The following TSNARE1 variants were observed in gnomAD, a reference collection of about 807,000 sequenced individuals.
TSNARE1 encodes t-SNARE domain-containing protein 1.
TSNARE1 carries 49 observed loss-of-function variants against 62.0 expected under a neutral mutation model. The ratio of observed to expected loss-of-function variants is 0.79; its 90% CI spans 0.63 to 1.00. The LOEUF (loss-of-function observed/expected upper bound fraction) is 1.00. Ranked by LOEUF, TSNARE1 falls within the 50% of genes least tolerant of loss-of-function variation. The pLI is 0.00. For missense variants in TSNARE1, 755 were observed against 700.1 expected (o/e 1.08, Z -0.88); for synonymous variants, 328 against 294.4 (o/e 1.11, Z -1.17).
chr8:142,276,364 C>T (rs1411084142), intron 11 of TSNARE1: 20 of 985,332 alleles, frequency 2.0e-5, no homozygotes, highest in Middle Eastern at 5.2e-4. Flanking sequence ...AGAGGTGTGA[C>T]GGATCCCCCC....
intron 12 of TSNARE1, among the ~76,000 whole-genome samples, chr8:142,243,514 G>A (rs555254581): frequency 1.2e-4 from 19 of 152,082 alleles, no homozygotes; most frequent in Admixed American, 9.8e-4. Context: ...GACAAATGCT[G>A]CGTTATCTCA....
intron 2 of TSNARE1, among the ~76,000 whole-genome samples, chr8:142,348,779 G>A (rs1360251198): frequency 6.6e-6 from 1 of 152,104 alleles, no homozygotes; most frequent in Non-Finnish European, 1.5e-5. Flanking sequence ...CCACAGAGCT[G>A]GCCCGTGTGC....
At chr8:142,293,300 G>A (rs930554083) in intron 10 of TSNARE1, among the ~76,000 whole-genome samples, 1 of 152,244 alleles carries the variant, frequency 6.6e-6, no homozygotes, top group African/African-American at 2.4e-5. Context: ...GAGGCAGAGG[G>A]CCGGGACGCT....
intron 1 of TSNARE1, among the ~76,000 whole-genome samples, chr8:142,390,829 C>T (rs1220930290): frequency 2.3e-4 from 11 of 48,300 alleles, no homozygotes; most frequent in African/African-American, 5.1e-4. Flanking sequence ...CGGGGGACTC[C>T]GTAACAGACG....
At chr8:142,398,867 A>G (rs1044836032) in intron 1 of TSNARE1, among the ~76,000 whole-genome samples, 9 of 152,306 alleles carry the variant, frequency 5.9e-5, no homozygotes, top group African/African-American at 1.9e-4. Flanking sequence ...CCCAAGGACA[A>G]AAAAGGAAGG....
chr8:142,270,461 A>T, intron 12 of TSNARE1: 3 of 977,520 alleles, frequency 3.1e-6, no homozygotes, highest in Non-Finnish European at 3.6e-6. Flanking sequence ...AGCCCCATAC[A>T]GTACCAAGTA....
chr8:142,301,830 A>G (rs2131340144), intron 9 of TSNARE1, among the ~76,000 whole-genome samples: 1 of 152,318 alleles, frequency 6.6e-6, no homozygotes, highest in Non-Finnish European at 1.5e-5. Flanking sequence ...GGGCCTCCAC[A>G]ACAGCCGAGG....
chr8:142,356,018 C>T (rs1000956911), intron 1 of TSNARE1, among the ~76,000 whole-genome samples: 2 of 152,226 alleles, frequency 1.3e-5, no homozygotes, highest in African/African-American at 4.8e-5. Flanking sequence ...GAAACTCAAA[C>T]GGAGGCTTCT....
At position 142,283,028 on chromosome 8, in the gene TSNARE1, TGCC is replaced by T. The variant is rs1563823662; in HGVS notation, c.1363+1382_1363+1384del. Among the ~76,000 whole-genome samples the T allele has an allele frequency of 1.4e-5, 2 of 147,846 alleles. 1 individual carries two copies. The highest frequency in any genetic ancestry group is 5.2e-5 in the African/African-American group (2 of 38,640). On this transcript the variant is annotated intron_variant, in intron 11 of 13. Coordinates refer to ENST00000524325, the MANE Select transcript of TSNARE1 (RefSeq NM_145003.5). ...AATGAGCAGAGGCGGGGTCAGTGTC[TGCC>T]AATGAGCAGAGGCGGGACCAGTGTC...
intron 1 of TSNARE1, among the ~76,000 whole-genome samples, chr8:142,368,494 A>G (rs1372427468): frequency 1.3e-5 from 2 of 152,214 alleles, no homozygotes; most frequent in Non-Finnish European, 2.9e-5. Flanking sequence ...CGTCAGGGCC[A>G]TGGAGTAGCC....
intron 11 of TSNARE1, 86 bp from the exon 12 acceptor site, chr8:142,274,949 G>A: frequency 7.1e-7 from 1 of 1,405,222 alleles, no homozygotes; most frequent in Non-Finnish European, 9.3e-7. Context: ...CAAGCCCAGG[G>A]AGCCTGAGCC....
At chr8:142,322,085 G>A (rs971406266) in intron 6 of TSNARE1, among the ~76,000 whole-genome samples, 12 of 152,190 alleles carry the variant, frequency 7.9e-5, no homozygotes, top group Non-Finnish European at 1.6e-4. Flanking sequence ...GTACAAGGTT[G>A]GTTCAACATT....
At chr8:142,346,931 C>A (rs747889596) in intron 2 of TSNARE1, among the ~76,000 whole-genome samples, 1 of 152,210 alleles carries the variant, frequency 6.6e-6, no homozygotes, top group Non-Finnish European at 1.5e-5. Context: ...AGCCTCTCAT[C>A]GGACCCCCAC....
chr8:142,239,374 G>A (rs1402330908), intron 12 of TSNARE1, among the ~76,000 whole-genome samples: 2 of 152,154 alleles, frequency 1.3e-5, no homozygotes, highest in Non-Finnish European at 2.9e-5. Flanking sequence ...AAAAATAACC[G>A]GTAACAATAG....
chr8:142,258,274 C>G (rs995272407), intron 12 of TSNARE1, among the ~76,000 whole-genome samples: 2 of 152,160 alleles, frequency 1.3e-5, no homozygotes, highest in African/African-American at 4.8e-5. Context: ...ACACTGCACA[C>G]ATGCACACAA....
At chr8:142,231,637 G>A (rs1000011563) in intron 12 of TSNARE1, among the ~76,000 whole-genome samples, 3 of 152,160 alleles carry the variant, frequency 2.0e-5, no homozygotes, top group African/African-American at 7.2e-5. Flanking sequence ...CAGGTCCATG[G>A]TCCCCTCACC....
intron 1 of TSNARE1, among the ~76,000 whole-genome samples, chr8:142,359,513 C>T (rs1835001465): frequency 6.6e-6 from 1 of 152,246 alleles, no homozygotes; most frequent in Non-Finnish European, 1.5e-5. Flanking sequence ...CTCACAGGTG[C>T]TGAGCCAGTG....
At chr8:142,357,755 C>G (rs72687400) in intron 1 of TSNARE1, among the ~76,000 whole-genome samples, 1 of 152,192 alleles carries the variant, frequency 6.6e-6, no homozygotes, top group Non-Finnish European at 1.5e-5. Flanking sequence ...ACATGCAGAA[C>G]GCGAGTCCAC....
chr8:142,353,888 A>G (rs991690038), intron 2 of TSNARE1, among the ~76,000 whole-genome samples: 3 of 106,462 alleles, frequency 2.8e-5, no homozygotes, highest in African/African-American at 1.6e-4. Context: ...GCTGAGCCCG[A>G]GGCCTGGCAC....
Sources: gnomAD v4.1 joint callset for allele counts (sites outside exome capture counted in the v4.1 genomes callset) on GRCh38, gnomAD v4.1.1 for gene constraint, MANE v1.5 for transcripts, NCBI Gene and HGNC (gene_info 2026-07-23, HGNC 2026-07-21) for gene names.